The following PDGFC variants were observed in gnomAD, a reference collection of about 807,000 sequenced individuals.
The protein encoded by PDGFC is platelet derived growth factor C.
In PDGFC, 12 loss-of-function variants were observed where a neutral mutation model predicts 35.5. The ratio of observed to expected loss-of-function variants is 0.34; its 90% confidence interval spans 0.22 to 0.55. PDGFC has a LOEUF of 0.55. Among genes scored for constraint, PDGFC ranks in the 20% least tolerant of loss-of-function variants. The pLI, the probability that PDGFC is intolerant of heterozygous loss-of-function variation, is 0.91. For synonymous variants in PDGFC, 159 were observed against 148.8 expected (o/e 1.07, Z -0.50); for missense variants, 322 against 412.4 (o/e 0.78, Z 1.90).
chr4:156,885,156 TACAC>T lies in PDGFC; in HGVS notation c.119-34744_119-34741del, dbSNP rs36049782. Among the ~76,000 whole-genome samples the T allele has an allele frequency of 6.5e-3, 827 of 127,044 alleles. 6 individuals are homozygous for T. The highest frequency in any genetic ancestry group is 0.017 in the Middle Eastern group (4 of 236). The allele number at this position is 127,044 out of a possible 152,430, so 83.3% of individuals were successfully genotyped here. ...ATACTTGTGCATGTATGTGCATACA[TACAC>T]ACACACACACACACACACACACACT... On this transcript the variant is annotated intron_variant, in intron 1 of 5. Coordinates refer to ENST00000502773, the MANE Select transcript of PDGFC (RefSeq NM_016205.3).
chr4:156,858,181 G>A (rs1387110970), intron 1 of PDGFC, among the ~76,000 whole-genome samples: 2 of 152,066 alleles, frequency 1.3e-5, no homozygotes, highest in East Asian at 3.9e-4. Context: ...ACTCAGCAGA[G>A]AGGATCTATA....
chr4:156,941,709 A>G (rs1173202991), intron 1 of PDGFC, among the ~76,000 whole-genome samples: 2 of 152,134 alleles, frequency 1.3e-5, no homozygotes, highest in African/African-American at 2.4e-5. Flanking sequence ...TTTTTGGTAT[A>G]TGAATACGTG....
At chr4:156,817,382 AT>A (rs1181465899) in intron 2 of PDGFC, among the ~76,000 whole-genome samples, 1 of 152,184 alleles carries the variant, frequency 6.6e-6, no homozygotes, top group Non-Finnish European at 1.5e-5. Context: ...AGAAGATATA[AT>A]CACAAGTAAG....
At chr4:156,958,892 T>C (rs1732273803) in intron 1 of PDGFC, among the ~76,000 whole-genome samples, 1 of 151,972 alleles carries the variant, frequency 6.6e-6, no homozygotes, top group East Asian at 1.9e-4. Flanking sequence ...CACACTAGGG[T>C]GGTTATAATA....
At chr4:156,938,059 G>A (rs1444996458) in intron 1 of PDGFC, among the ~76,000 whole-genome samples, 1 of 152,034 alleles carries the variant, frequency 6.6e-6, no homozygotes, top group Non-Finnish European at 1.5e-5. Context: ...GCCAAATGAG[G>A]TGAAACAGTA....
intron 3 of PDGFC, among the ~76,000 whole-genome samples, chr4:156,804,235 T>C (rs1161011083): frequency 6.6e-6 from 1 of 151,890 alleles, no homozygotes; most frequent in Non-Finnish European, 1.5e-5. Context: ...AATAAATAAC[T>C]GCTAATGTTG....
At chr4:156,821,339 C>A (rs1420641732) in intron 2 of PDGFC, among the ~76,000 whole-genome samples, 1 of 151,976 alleles carries the variant, frequency 6.6e-6, no homozygotes, top group Non-Finnish European at 1.5e-5. Context: ...AGCAATTCTT[C>A]CTACCTCAGC....
At chr4:156,799,133 A>G (rs570701549) in intron 3 of PDGFC, among the ~76,000 whole-genome samples, 4 of 152,230 alleles carry the variant, frequency 2.6e-5, no homozygotes, top group African/African-American at 9.6e-5. Flanking sequence ...TAATTCATGT[A>G]CTCCTTTAAA....
chr4:156,790,365 G>T (rs1731261105), intron 3 of PDGFC, among the ~76,000 whole-genome samples: 1 of 152,112 alleles, frequency 6.6e-6, no homozygotes, highest in African/African-American at 2.4e-5. Context: ...ATACAGGAAA[G>T]AACTTTCTGA....
rs561729078 is a variant in PDGFC at position 156,781,840 on chromosome 4, T to A, written c.496-8947A>T. Among the ~76,000 whole-genome samples the A allele has an allele frequency of 7.9e-5, 12 of 152,320 alleles. No individual in the cohort carries two copies. In the South Asian group the frequency reaches 2.1e-3, roughly 26 times the overall value. Reference sequence around the variant, plus strand: ...AAGGATTAAGCAAAATAGCATATTTTAAAAATTTAATAAACAATTCAGCAC... The same window carrying A: ...AAGGATTAAGCAAAATAGCATATTTAAAAAATTTAATAAACAATTCAGCAC... On this transcript the variant is annotated intron_variant, in intron 3 of 5. Coordinates refer to ENST00000502773, the MANE Select transcript of PDGFC (RefSeq NM_016205.3).
chr4:156,931,916 A>G (rs937620736), intron 1 of PDGFC, among the ~76,000 whole-genome samples: 2 of 152,070 alleles, frequency 1.3e-5, no homozygotes, highest in African/African-American at 4.8e-5. Flanking sequence ...AAATTGTTCT[A>G]TACATTACTC....
chr4:156,868,983 G>A (rs1046284837), intron 1 of PDGFC, among the ~76,000 whole-genome samples: 1 of 152,056 alleles, frequency 6.6e-6, no homozygotes. Flanking sequence ...GCAAACTCAC[G>A]ATCAGTTTAG....
In PDGFC at chr4:156,762,636, A is replaced by T. The variant is rs2110777537; in HGVS notation, c.*454T>A. ...TATGTGAATATGAGCAAAAAAAAAA[A>T]AAAAAATCCAGATTTTATACGATTT... On this transcript the variant is annotated 3_prime_UTR_variant, in exon 6 of 6. Transcript: ENST00000502773. 1 of 153,126 alleles carries T rather than the reference A, an allele frequency of 6.5e-6. No individual in the cohort carries two copies. Among genetic ancestry groups the T allele is most frequent in the Middle Eastern group, 3.4e-3 (1 of 294 alleles). 9.5% of individuals were successfully genotyped at this position (153,126 alleles called of 1,614,324 possible). A position where few individuals can be genotyped will look rare whatever the true frequency, so the allele number is the denominator to read the frequency against.
chr4:156,804,371 G>T (rs1731699157), intron 3 of PDGFC, among the ~76,000 whole-genome samples: 1 of 151,984 alleles, frequency 6.6e-6, no homozygotes, highest in South Asian at 2.1e-4. Context: ...GAGGATCTCT[G>T]ACTAATCTGG....
intron 1 of PDGFC, among the ~76,000 whole-genome samples, chr4:156,902,898 T>C (rs1730823553): frequency 6.6e-6 from 1 of 152,132 alleles, no homozygotes; most frequent in South Asian, 2.1e-4. Context: ...TCTTCAACTA[T>C]GCGGAGCAAA....
intron 1 of PDGFC, among the ~76,000 whole-genome samples, chr4:156,948,987 G>A (rs1473262980): frequency 5.9e-5 from 9 of 151,828 alleles, no homozygotes; most frequent in Non-Finnish European, 1.0e-4. Flanking sequence ...GAAATTCACC[G>A]AGGTCCTGTG....
At chr4:156,914,558 T>C (rs2110817401) in intron 1 of PDGFC, among the ~76,000 whole-genome samples, 1 of 152,324 alleles carries the variant, frequency 6.6e-6, no homozygotes, top group African/African-American at 2.4e-5. Context: ...ACTGATCCTG[T>C]CAGATTCACC....
chr4:156,819,756 T>C, intron 2 of PDGFC, among the ~76,000 whole-genome samples: 1 of 152,200 alleles, frequency 6.6e-6, no homozygotes, highest in East Asian at 1.9e-4. Flanking sequence ...TTAAGTCTTA[T>C]TATGTAAGAA....
chr4:156,817,152 TA>T (rs749359500), intron 2 of PDGFC, among the ~76,000 whole-genome samples: 58 of 150,796 alleles, frequency 3.8e-4, no homozygotes, highest in African/African-American at 1.3e-3. Flanking sequence ...ATGTTATTAC[TA>T]AAAAAAAACT....
Sources: gnomAD v4.1 joint callset for allele counts (sites outside exome capture counted in the v4.1 genomes callset) on GRCh38, gnomAD v4.1.1 for gene constraint, MANE v1.5 for transcripts, NCBI Gene and HGNC (gene_info 2026-07-23, HGNC 2026-07-21) for gene names.